The following NRG1 variants were observed in gnomAD, a reference collection of about 807,000 sequenced individuals.
The protein encoded by NRG1 is neuregulin 1.
In NRG1, 18 loss-of-function variants were observed where a neutral mutation model predicts 63.8. The ratio of observed to expected loss-of-function variants is 0.28; its 90% CI spans 0.19 to 0.42. NRG1 has a LOEUF of 0.42. NRG1 is among the 10% of genes least tolerant of loss of function. NRG1 has a pLI of 1.00. For synonymous variants in NRG1, 302 were observed against 301.3 expected, an observed-to-expected ratio of 1.00 and a Z score of -0.02; for missense variants, 762 against 814.7, an observed-to-expected ratio of 0.94 and a Z score of 0.79.
chr8:31,887,555 G>T (rs891823398), intron 1 of NRG1, among the ~76,000 whole-genome samples: 1 of 152,022 alleles, frequency 6.6e-6, no homozygotes. Context: ...GTAGGTGCTA[G>T]TAAGTAGGAG....
intron 1 of NRG1, among the ~76,000 whole-genome samples, chr8:32,403,279 G>A (rs142131652): frequency 0.02 from 2,661 of 131,206 alleles, 78 homozygotes; most frequent in African/African-American, 0.073. Flanking sequence ...CAGCCTGGGC[G>A]ACAGAGCGAC....
rs1426091107 is a variant in NRG1 at position 31,802,670 on chromosome 8, A to G, written c.37+163239A>G. On this transcript the variant is annotated intron_variant, in intron 1 of 10. Coordinates refer to the NRG1 transcript ENST00000519301. ...AATTCTACAACTGCTTCTATTCTCAATGCTTGTGTTGCATGCTTTTGGACC... is the reference window on the plus strand; with the variant it reads ...AATTCTACAACTGCTTCTATTCTCAGTGCTTGTGTTGCATGCTTTTGGACC... Among the ~76,000 whole-genome samples the G allele has an allele frequency of 4.6e-5, 7 of 152,150 alleles. No individual in the cohort carries two copies. In the East Asian group the frequency reaches 1.2e-3, roughly 25 times the overall value.
chr8:32,555,761 G>C (rs372699719), intron 1 of NRG1, among the ~76,000 whole-genome samples: 1 of 152,152 alleles, frequency 6.6e-6, no homozygotes, highest in Non-Finnish European at 1.5e-5. Flanking sequence ...GTGAGCCACC[G>C]CGCCCGGCGG....
rs1341386758 is a variant in NRG1 at position 31,640,050 on chromosome 8, C to A, written c.37+619C>A. Reference sequence around the variant, plus strand: ...GCCCCCGGGCCCAGCGCCCCGGCTCCGCCGCCCGCTCGTCGCCGCCGCTGC... The same window carrying A: ...GCCCCCGGGCCCAGCGCCCCGGCTCAGCCGCCCGCTCGTCGCCGCCGCTGC... On this transcript the variant is annotated intron_variant, in intron 1 of 10. Coordinates refer to the NRG1 transcript ENST00000519301. The surrounding 1 kb of genome is among the most constrained non-coding windows in gnomAD (Gnocchi z 6.3). 8.7e-6 allele frequency: 10 copies of A among 1,143,666 alleles called. No individual in the cohort carries two copies. Among genetic ancestry groups the A allele is most frequent in the African/African-American group, 3.3e-5 (2 of 60,792 alleles). 70.8% of individuals were successfully genotyped at this position (1,143,666 alleles called of 1,614,324 possible).
chr8:32,505,646 C>CA (rs1208391394), intron 1 of NRG1, among the ~76,000 whole-genome samples: 2 of 152,134 alleles, frequency 1.3e-5, no homozygotes, highest in Non-Finnish European at 2.9e-5. Context: ...CTCATGGTCA[C>CA]AGGCAGCAAA....
At chr8:32,763,450 C>A in intron 11 of NRG1, 3 of 1,357,272 alleles carry the variant, frequency 2.2e-6, no homozygotes, top group South Asian at 2.8e-5. Context: ...CTAATGCCTT[C>A]TTGTCTTGGC....
intron 1 of NRG1, among the ~76,000 whole-genome samples, chr8:31,690,108 G>A (rs534964732): frequency 5.3e-5 from 8 of 152,224 alleles, no homozygotes; most frequent in Admixed American, 1.3e-4. Context: ...GTTTTCTAAG[G>A]GGCTTTTCCT....
At chr8:32,580,109 T>A (rs1840378384) in intron 1 of NRG1, among the ~76,000 whole-genome samples, 1 of 152,168 alleles carries the variant, frequency 6.6e-6, no homozygotes, top group Non-Finnish European at 1.5e-5. Context: ...TGTAAGCAAC[T>A]TGAACATCTA....
intron 1 of NRG1, among the ~76,000 whole-genome samples, chr8:32,307,802 ACTCCTTTTTGTTAC>A (rs1856382824): frequency 6.6e-6 from 1 of 151,710 alleles, no homozygotes; most frequent in Admixed American, 6.6e-5. Flanking sequence ...CATGCCACTC[ACTCCTTTTTGTTAC>A]CTCTCACAAC....
At chr8:32,216,712 A>C (rs969641951) in intron 1 of NRG1, among the ~76,000 whole-genome samples, 3 of 150,486 alleles carry the variant, frequency 2.0e-5, no homozygotes, top group Non-Finnish European at 4.4e-5. Context: ...TTTAGATGTA[A>C]ATATATTACT....
chr8:32,475,542 T>C (rs1446923925), intron 1 of NRG1, among the ~76,000 whole-genome samples: 1 of 151,992 alleles, frequency 6.6e-6, no homozygotes, highest in Non-Finnish European at 1.5e-5. Context: ...TTTTTGTTTG[T>C]TTGTTTTTCA....
chr8:32,304,978 G>A (rs113475162), intron 1 of NRG1, among the ~76,000 whole-genome samples: 7,600 of 151,992 alleles, frequency 0.05, 561 homozygotes, highest in African/African-American at 0.16. Context: ...ACATGCCACT[G>A]CACTCCAGCC....
chr8:31,878,117 C>G (rs890064832), intron 1 of NRG1, among the ~76,000 whole-genome samples: 1 of 152,106 alleles, frequency 6.6e-6, no homozygotes, highest in Admixed American at 6.6e-5. Context: ...AAGTACAAAC[C>G]GTCAGTCTGC....
chr8:32,469,345 T>C (rs1307835720), intron 1 of NRG1, among the ~76,000 whole-genome samples: 1 of 152,148 alleles, frequency 6.6e-6, no homozygotes, highest in Non-Finnish European at 1.5e-5. Flanking sequence ...GGAGAAATCA[T>C]AAAAACAAGC....
chr8:32,285,529 C>T (rs1018136178), intron 1 of NRG1, among the ~76,000 whole-genome samples: 1 of 152,226 alleles, frequency 6.6e-6, no homozygotes, highest in African/African-American at 2.4e-5. Flanking sequence ...ATACACTTCT[C>T]TTGACTCTCA....
At chr8:32,727,399 A>G (rs887006020) in intron 5 of NRG1, among the ~76,000 whole-genome samples, 8 of 152,224 alleles carry the variant, frequency 5.3e-5, no homozygotes, top group Non-Finnish European at 1.2e-4. Context: ...TCTAATCTGC[A>G]TGTTGATATG....
chr8:32,246,214 G>A (rs1386435), intron 1 of NRG1, among the ~76,000 whole-genome samples: 66,123 of 152,068 alleles, frequency 0.43, 14,722 homozygotes, highest in Admixed American at 0.48. Flanking sequence ...CTTCTGAATT[G>A]TTATGAGTTT....
At chr8:31,974,504 T>A (rs1417083010) in intron 1 of NRG1, among the ~76,000 whole-genome samples, 1 of 152,178 alleles carries the variant, frequency 6.6e-6, no homozygotes, top group Non-Finnish European at 1.5e-5. Context: ...ACTGCCAGAT[T>A]TTTGTGCATT....
chr8:32,442,970 C>A (rs955094003), intron 1 of NRG1, among the ~76,000 whole-genome samples: 1 of 151,752 alleles, frequency 6.6e-6, no homozygotes, highest in Non-Finnish European at 1.5e-5. Flanking sequence ...TGCTCTATCA[C>A]CCAGGCTGGA....
Sources: allele counts gnomAD v4.1 joint callset (sites outside exome capture counted in the v4.1 genomes callset), GRCh38; gene constraint gnomAD v4.1.1; non-coding constraint Gnocchi (gnomAD v3.1); transcripts MANE v1.5; gene names NCBI Gene and HGNC (gene_info 2026-07-23, HGNC 2026-07-21).